SIAH1: variants seen among roughly 807,000 people sequenced by gnomAD.
SIAH1 encodes the protein siah E3 ubiquitin protein ligase 1.
Under a neutral mutation model 20.0 loss-of-function variants are expected in SIAH1, and 2 were observed. That is an observed-to-expected ratio of 0.10 (90% CI 0.04 to 0.31). The LOEUF is 0.31. Among genes scored for constraint, SIAH1 ranks in the 10% least tolerant of loss-of-function variants. The probability of loss-of-function intolerance (pLI) is 1.00; values close to 1 mark genes in which losing one functional copy is unlikely to be tolerated. For missense variants in SIAH1, 119 were observed against 355.3 expected, an observed-to-expected ratio of 0.33 and a Z score of 5.35; for synonymous variants, 118 against 125.3, an observed-to-expected ratio of 0.94 and a Z score of 0.39.
chr16:48,377,161 T>C (rs1218138184), intron 1 of SIAH1, among the ~76,000 whole-genome samples: 1 of 152,188 alleles, frequency 6.6e-6, no homozygotes. Context: ...ATCTGTTTTA[T>C]AAATATAATT....
intron 1 of SIAH1, chr16:48,365,566 CA>C: frequency 5.9e-6 from 9 of 1,521,916 alleles, no homozygotes; most frequent in Non-Finnish European, 7.0e-6. Context: ...ACAGAAGACC[CA>C]AATTCGCGTC....
Position 48,360,724 on chromosome 16 carries a change from GAAAC to G in SIAH1, c.*852_*855del, listed in dbSNP as rs1423615047. On this transcript the variant is annotated 3_prime_UTR_variant, in exon 2 of 2. Transcript: ENST00000394725. ...GATTTGTCCAAGATATCTGAAAAAG[GAAAC>G]AAAAGCCTGATTTGCAGTATTTATA... 6.6e-6 allele frequency: 1 copy of G among 152,562 alleles called. No homozygotes were observed. Among genetic ancestry groups the G allele is most frequent in the Non-Finnish European group, 1.5e-5 (1 of 68,020 alleles). 9.5% of individuals were successfully genotyped at this position (152,562 alleles called of 1,614,324 possible). A position where few individuals can be genotyped will look rare whatever the true frequency, so the allele number is the denominator to read the frequency against.
intron 1 of SIAH1, chr16:48,363,217 TTA>T (rs2151045222): frequency 6.0e-6 from 1 of 167,174 alleles, no homozygotes; most frequent in Admixed American, 6.5e-5. Flanking sequence ...TTAACTCTTC[TTA>T]ATGGTAAGCA....
intron 1 of SIAH1, chr16:48,365,639 G>A: frequency 7.0e-7 from 1 of 1,428,320 alleles, no homozygotes; most frequent in East Asian, 2.5e-5. Context: ...GTGGAGAAAG[G>A]AAGCCTTTCC....
At chr16:48,385,060 C>T (rs1405692063) in intron 1 of SIAH1, 144 bp downstream of exon 1, 1 of 150,754 alleles carries the variant, frequency 6.6e-6, no homozygotes, top group Non-Finnish European at 1.5e-5. Context: ...CGACTCCGGC[C>T]GAGACAAAGG....
At chr16:48,365,811 T>C in intron 1 of SIAH1, 1 of 1,258,586 alleles carries the variant, frequency 7.9e-7, no homozygotes, top group Non-Finnish European at 1.0e-6. Flanking sequence ...CCAGCTCCAG[T>C]GGAGGCCACG....
In SIAH1 at chr16:48,374,321, T is replaced by C. The variant is rs899953131; in HGVS notation, c.-3+10883A>G. On this transcript the variant is annotated intron_variant, in intron 1 of 1. Coordinates refer to ENST00000394725, the MANE Select transcript of SIAH1 (RefSeq NM_003031.4). ...ATAAATACATCAGAAAACAAGAACT[T>C]TGGACTTTCAGGCAGCAACATCCAA... Among the ~76,000 whole-genome samples the C allele has an allele frequency of 2.5e-4, 38 of 152,160 alleles. 1 individual carries two copies. Among genetic ancestry groups the C allele is most frequent in the Admixed American group, 6.5e-5 (1 of 15,276 alleles).
chr16:48,363,134 T>C (rs1477028043), intron 1 of SIAH1: 1 of 167,008 alleles, frequency 6.0e-6, no homozygotes, highest in Non-Finnish European at 1.5e-5. Context: ...GAGAAGGGGG[T>C]CCTAGAACTA....
chr16:48,381,330 G>A (rs1381173355), intron 1 of SIAH1, among the ~76,000 whole-genome samples: 1 of 152,180 alleles, frequency 6.6e-6, no homozygotes, highest in Non-Finnish European at 1.5e-5. Flanking sequence ...AGGGCACAGA[G>A]TGAGACTGTC....
intron 1 of SIAH1, among the ~76,000 whole-genome samples, chr16:48,384,970 G>C (rs891552072): frequency 6.8e-6 from 1 of 146,346 alleles, no homozygotes; most frequent in Non-Finnish European, 1.5e-5. Context: ...CCGGGCCCGG[G>C]GCTCCAGGGG....
At chr16:48,374,602 T>C (rs112041596) in intron 1 of SIAH1, among the ~76,000 whole-genome samples, 12 of 152,196 alleles carry the variant, frequency 7.9e-5, no homozygotes, top group African/African-American at 2.9e-4. Flanking sequence ...CTACTGAAGA[T>C]AATGACAACT....
chr16:48,381,917 G>A (rs547984070), intron 1 of SIAH1, among the ~76,000 whole-genome samples: 3 of 152,282 alleles, frequency 2.0e-5, no homozygotes, highest in East Asian at 3.9e-4. Context: ...CCACTTTGGC[G>A]GGGAATGTTG....
At chr16:48,364,519 G>C (rs924851446) in intron 1 of SIAH1, among the ~76,000 whole-genome samples, 1 of 152,156 alleles carries the variant, frequency 6.6e-6, no homozygotes, top group South Asian at 2.1e-4. Context: ...TCATCATATG[G>C]ACTCAGAACA....
intron 1 of SIAH1, among the ~76,000 whole-genome samples, chr16:48,384,721 C>A (rs1188098412): frequency 1.4e-5 from 2 of 140,136 alleles, no homozygotes; most frequent in African/African-American, 5.1e-5. Flanking sequence ...CCGGGCGCCG[C>A]GGGGAGGAGG....
At chr16:48,370,470 C>A (rs543063599) in intron 1 of SIAH1, among the ~76,000 whole-genome samples, 1 of 152,218 alleles carries the variant, frequency 6.6e-6, no homozygotes, top group South Asian at 2.1e-4. Context: ...TACATATGTT[C>A]TCATTTAACC....
intron 1 of SIAH1, chr16:48,363,940 C>CTTTTTTTT (rs565145479): frequency 4.6e-5 from 3 of 64,642 alleles, no homozygotes; most frequent in African/African-American, 6.1e-5. Context: ...AAGCCATAAT[C>CTTTTTTTT]TTTTTTTTTT....
At chr16:48,374,836 G>T (rs1001073943) in intron 1 of SIAH1, among the ~76,000 whole-genome samples, 1 of 152,176 alleles carries the variant, frequency 6.6e-6, no homozygotes, top group East Asian at 1.9e-4. Context: ...TGACAGTCAG[G>T]ATAAGCAAAT....
intron 1 of SIAH1, among the ~76,000 whole-genome samples, chr16:48,371,234 C>A (rs1960980410): frequency 6.6e-6 from 1 of 152,072 alleles, no homozygotes; most frequent in African/African-American, 2.4e-5. Context: ...ATGATTGTGT[C>A]TGTGAATAGC....
intron 1 of SIAH1, among the ~76,000 whole-genome samples, chr16:48,372,962 T>TG (rs112590760): frequency 0.013 from 1,934 of 151,470 alleles, 43 homozygotes; most frequent in African/African-American, 0.045. Flanking sequence ...ACTGGGCTCC[T>TG]GCCTAATAAA....
Sources: gnomAD v4.1 joint callset for allele counts (sites outside exome capture counted in the v4.1 genomes callset) on GRCh38, gnomAD v4.1.1 for gene constraint, MANE v1.5 for transcripts, NCBI Gene and HGNC (gene_info 2026-07-23, HGNC 2026-07-21) for gene names.